The following RHOU variants were observed in gnomAD, a reference collection of about 807,000 sequenced individuals.
The protein encoded by RHOU is rho-related GTP-binding protein RhoU.
A neutral mutation model predicts 12.6 loss-of-function variants in RHOU; 8 were observed. The observed-to-expected ratio is 0.64, with a 90% CI of 0.37 to 1.15. The LOEUF is 1.15. Among genes scored for constraint, RHOU ranks in the 50% most tolerant of loss-of-function variants. The pLI is 0.01. For synonymous variants in RHOU, 161 were observed against 147.4 expected (o/e 1.09, Z -0.67); for missense variants, 258 against 347.0 (o/e 0.74, Z 2.04).
the RHOU span, among the ~76,000 whole-genome samples, chr1:228,721,936 A>G: frequency 6.6e-6 from 1 of 152,362 alleles, no homozygotes; most frequent in Admixed American, 6.5e-5. Context: ...TACAGGCGTG[A>G]GCCACCACAC....
the RHOU span, among the ~76,000 whole-genome samples, chr1:228,649,218 C>G: frequency 6.6e-6 from 1 of 152,184 alleles, no homozygotes; most frequent in Non-Finnish European, 1.5e-5. Context: ...ACTAGAGTAC[C>G]TGTTTACATT....
the RHOU span, chr1:228,687,812 T>G: frequency 1.5e-6 from 2 of 1,290,464 alleles, no homozygotes; most frequent in Non-Finnish European, 2.2e-6. Flanking sequence ...TGGGGGACAG[T>G]GATAATGAAA....
At chr1:228,678,205 T>A in the RHOU span, among the ~76,000 whole-genome samples, 8 of 152,076 alleles carry the variant, frequency 5.3e-5, no homozygotes, top group Non-Finnish European at 1.0e-4. Context: ...AAATGAGAGG[T>A]TCTAAGAGGC....
At chr1:228,715,602 A>G in the RHOU span, among the ~76,000 whole-genome samples, 1 of 152,148 alleles carries the variant, frequency 6.6e-6, no homozygotes, top group Non-Finnish European at 1.5e-5. Context: ...GTACCTTGAG[A>G]AGAAATTGTA....
the RHOU span, among the ~76,000 whole-genome samples, chr1:228,711,341 G>T: frequency 6.6e-6 from 1 of 151,978 alleles, no homozygotes; most frequent in Non-Finnish European, 1.5e-5. Flanking sequence ...AAAAGAGCCC[G>T]CATCGCCAAG....
At chr1:228,671,966 C>A in the RHOU span, among the ~76,000 whole-genome samples, 1 of 152,030 alleles carries the variant, frequency 6.6e-6, no homozygotes, top group Non-Finnish European at 1.5e-5. Context: ...AATGTATACA[C>A]CAAAGAGAAA....
At chr1:228,655,605 C>A in the RHOU span, among the ~76,000 whole-genome samples, 1 of 152,194 alleles carries the variant, frequency 6.6e-6, no homozygotes, top group Non-Finnish European at 1.5e-5. Flanking sequence ...TCTCTTGTTG[C>A]TCAAATGTGG....
At chr1:228,660,258 A>G in the RHOU span, among the ~76,000 whole-genome samples, 2 of 152,098 alleles carry the variant, frequency 1.3e-5, no homozygotes, top group South Asian at 4.1e-4. Context: ...TATGAACCCT[A>G]CCAAGACTGA....
At chr1:228,714,494 T>C in the RHOU span, among the ~76,000 whole-genome samples, 1 of 152,156 alleles carries the variant, frequency 6.6e-6, no homozygotes, top group African/African-American at 2.4e-5. Context: ...ACATATTCTA[T>C]AGATACTAAT....
chr1:228,670,337 T>C, the RHOU span, among the ~76,000 whole-genome samples: 2 of 152,226 alleles, frequency 1.3e-5, no homozygotes, highest in Non-Finnish European at 2.9e-5. Context: ...TAGGGGCCTC[T>C]TCGCTAGCTG....
the RHOU span, among the ~76,000 whole-genome samples, chr1:228,665,428 C>T: frequency 6.6e-6 from 1 of 152,224 alleles, no homozygotes; most frequent in East Asian, 1.9e-4. Context: ...AGTGAGGCTC[C>T]TACTGCTCTG....
At position 228,743,587 on chromosome 1, in the gene RHOU, A is replaced by G. The variant is rs773187493; in HGVS notation, c.624A>G (p.Gln208=). Residue 208 remains glutamine, a synonymous_variant, in exon 3 of 3, where the codon CAA becomes CAG. Coordinates refer to ENST00000366691, the MANE Select transcript of RHOU (RefSeq NM_021205.6). This position sits in a 1 kb window ranked among gnomAD's most constrained non-coding sequence, Gnocchi z 5.1. ...ASYIECSALT[Q]KNLKEVFDAA... ...ACATCGAGTGTTCAGCCTTGACTCA[A>G]AAAAACCTCAAAGAGGTCTTTGATG... 10 of 1,614,096 alleles carry G rather than the reference A, an allele frequency of 6.2e-6. No individual in the cohort carries two copies. The highest frequency in any genetic ancestry group is 1.7e-5 in the Admixed American group (1 of 60,010).
intron 2 of RHOU, among the ~76,000 whole-genome samples, chr1:228,742,949 G>A (rs1329375883): frequency 1.3e-5 from 2 of 152,192 alleles, no homozygotes; most frequent in Non-Finnish European, 2.9e-5. Flanking sequence ...CTCAGCTGAA[G>A]GCTTAAGTCC....
chr1:228,678,085 T>A, the RHOU span, among the ~76,000 whole-genome samples: 1 of 152,098 alleles, frequency 6.6e-6, no homozygotes, highest in Non-Finnish European at 1.5e-5. Flanking sequence ...ATCCCCGAGC[T>A]TGATGTGTAG....
At chr1:228,708,838 G>A in the RHOU span, among the ~76,000 whole-genome samples, 1 of 152,098 alleles carries the variant, frequency 6.6e-6, no homozygotes, top group African/African-American at 2.4e-5. Flanking sequence ...TGGACTAAAT[G>A]CTCCAATTAA....
At chr1:228,655,414 G>T in the RHOU span, among the ~76,000 whole-genome samples, 1 of 151,978 alleles carries the variant, frequency 6.6e-6, no homozygotes, top group Non-Finnish European at 1.5e-5. Flanking sequence ...ACCTTGCTTT[G>T]TATTTTATTT....
At chr1:228,665,051 C>G in the RHOU span, among the ~76,000 whole-genome samples, 1 of 152,172 alleles carries the variant, frequency 6.6e-6, no homozygotes, top group Admixed American at 6.5e-5. Context: ...AAGATAGGTA[C>G]TATTTTATTT....
chr1:228,742,974 A>T (rs1318950296), intron 2 of RHOU, among the ~76,000 whole-genome samples: 1 of 152,034 alleles, frequency 6.6e-6, no homozygotes, highest in Non-Finnish European at 1.5e-5. Flanking sequence ...TATTTCTAGA[A>T]CCCACCTACT....
Position 228,743,638 on chromosome 1 carries a change from C to T in RHOU, c.675C>T (p.Tyr225=), listed in dbSNP as rs758004622. The change falls in exon 3 of 3, where the codon TAC becomes TAT. Residue 225 remains tyrosine (Y), a synonymous_variant. Transcript: ENST00000366691. This position sits in a 1 kb window ranked among gnomAD's most constrained non-coding sequence, Gnocchi z 5.1. ...FDAAIVAGIQ[Y]SDTQQQPKKS... ...CAGCCATCGTCGCTGGCATTCAATA[C>T]TCGGACACTCAGCAACAGCCAAAGA... 1.9e-6 allele frequency: 3 copies of T among 1,614,178 alleles called. No homozygotes were observed. The highest frequency in any genetic ancestry group is 8.5e-7 in the Non-Finnish European group (1 of 1,180,034).
Sources: allele counts gnomAD v4.1 joint callset (sites outside exome capture counted in the v4.1 genomes callset), GRCh38; gene constraint gnomAD v4.1.1; non-coding constraint Gnocchi (gnomAD v3.1); transcripts MANE v1.5; gene names NCBI Gene and HGNC (gene_info 2026-07-23, HGNC 2026-07-21).